Variants in CNTN3 observed in about 807,000 individuals in gnomAD.
CNTN3 encodes contactin 3.
CNTN3 carries 60 observed loss-of-function variants against 119.1 expected under a neutral mutation model. That is an observed-to-expected ratio of 0.50 (90% CI 0.41 to 0.62). The LOEUF is 0.62. CNTN3 is among the 20% of genes least tolerant of loss of function. The probability of loss-of-function intolerance (pLI) is 0.00; values close to 1 mark genes in which losing one functional copy is unlikely to be tolerated. For missense variants in CNTN3, 1,101 were observed against 1,242.4 expected (o/e 0.89, Z 1.71); for synonymous variants, 450 against 438.7 (o/e 1.03, Z -0.32).
intron 2 of CNTN3, among the ~76,000 whole-genome samples, chr3:74,507,996 G>T (rs569123725): frequency 3.9e-4 from 59 of 152,284 alleles, no homozygotes; most frequent in African/African-American, 1.4e-3. Flanking sequence ...GAGGGATTGA[G>T]TTGGGTTGTG....
At chr3:74,419,119 A>G (rs1701577524) in intron 5 of CNTN3, among the ~76,000 whole-genome samples, 1 of 152,180 alleles carries the variant, frequency 6.6e-6, no homozygotes, top group Admixed American at 6.5e-5. Context: ...TAACTTTATT[A>G]CCTGCAGAAC....
intron 20 of CNTN3, among the ~76,000 whole-genome samples, chr3:74,275,053 A>C (rs1404119274): frequency 2.0e-5 from 3 of 152,206 alleles, no homozygotes; most frequent in Non-Finnish European, 4.4e-5. Context: ...AGAAGAAAGA[A>C]ATTCAGAGCG....
chr3:74,325,319 A>T (rs484589), intron 13 of CNTN3, among the ~76,000 whole-genome samples: 47,923 of 151,948 alleles, frequency 0.32, 8,388 homozygotes, highest in East Asian at 0.72. Context: ...GCAGAAGTAA[A>T]CTTGTATTTC....
intron 20 of CNTN3, 70 bp from the exon 21 acceptor site, chr3:74,267,448 C>A (rs77735481): frequency 2.8e-6 from 3 of 1,079,282 alleles, no homozygotes; most frequent in African/African-American, 3.1e-5. Context: ...GAGGAGATGG[C>A]GGCTATCATA....
chr3:74,415,252 G>A (rs1264356600), intron 5 of CNTN3, among the ~76,000 whole-genome samples: 1 of 152,134 alleles, frequency 6.6e-6, no homozygotes, highest in Non-Finnish European at 1.5e-5. Context: ...GTGAAGCCAT[G>A]CTGCTGTGAG....
chr3:74,582,384 C>T (rs190579717), intron 1 of CNTN3, among the ~76,000 whole-genome samples: 111 of 140,418 alleles, frequency 7.9e-4, no homozygotes, highest in Non-Finnish European at 1.2e-3. Flanking sequence ...CCAGCCCGGG[C>T]GACAGAGCGA....
intron 4 of CNTN3, among the ~76,000 whole-genome samples, chr3:74,461,513 C>A (rs1393619105): frequency 1.3e-5 from 2 of 151,944 alleles, no homozygotes; most frequent in African/African-American, 4.8e-5. Context: ...GTTGGTGCTA[C>A]ATACTTTCTA....
chr3:74,285,206 A>G, intron 20 of CNTN3, 99 bp downstream of exon 20: 3 of 1,284,858 alleles, frequency 2.3e-6, no homozygotes, highest in Non-Finnish European at 2.1e-6. Context: ...ATCTAGTGAG[A>G]TTAATGACTT....
chr3:74,391,714 G>A (rs942750299), intron 5 of CNTN3, among the ~76,000 whole-genome samples: 1 of 151,936 alleles, frequency 6.6e-6, no homozygotes, highest in Non-Finnish European at 1.5e-5. Context: ...CTACATTCGT[G>A]TGCCACCATC....
chr3:74,466,163 A>ACTC (rs1702456895), intron 4 of CNTN3, among the ~76,000 whole-genome samples: 2 of 152,172 alleles, frequency 1.3e-5, no homozygotes, highest in Non-Finnish European at 2.9e-5. Context: ...TGGAGAAAAT[A>ACTC]CGTGAGTTTA....
chr3:74,446,683 G>GTTTTT (rs10669743), intron 4 of CNTN3, among the ~76,000 whole-genome samples: 2 of 136,968 alleles, frequency 1.5e-5, no homozygotes, highest in East Asian at 2.1e-4. Flanking sequence ...AATTTTACTT[G>GTTTTT]TTTTTTTTTT....
chr3:74,334,699 C>T (rs753411502), intron 13 of CNTN3, 36 bp downstream of exon 13: 3 of 1,568,744 alleles, frequency 1.9e-6, no homozygotes, highest in Admixed American at 1.7e-5. Flanking sequence ...GAGACACATG[C>T]AATATAAAAA....
intron 5 of CNTN3, among the ~76,000 whole-genome samples, chr3:74,405,526 C>T (rs1705302395): frequency 6.6e-6 from 1 of 151,958 alleles, no homozygotes; most frequent in Non-Finnish European, 1.5e-5. Flanking sequence ...TAAATTCATT[C>T]TTCTAAATAC....
At chr3:74,446,909 A>T (rs773726480) in intron 4 of CNTN3, among the ~76,000 whole-genome samples, 1 of 152,110 alleles carries the variant, frequency 6.6e-6, no homozygotes, top group Non-Finnish European at 1.5e-5. Flanking sequence ...TTTCTCCCTA[A>T]TATGTTCTGT....
chr3:74,374,549 C>G (rs146220521), intron 5 of CNTN3, among the ~76,000 whole-genome samples: 2 of 152,022 alleles, frequency 1.3e-5, no homozygotes, highest in Admixed American at 1.3e-4. Context: ...TCTTTAAATA[C>G]GCAAACTGAC....
chr3:74,448,338 A>G (rs999306402), intron 4 of CNTN3, among the ~76,000 whole-genome samples: 1 of 152,178 alleles, frequency 6.6e-6, no homozygotes, highest in Non-Finnish European at 1.5e-5. Context: ...TCATGACACT[A>G]TGTAGATAAT....
In CNTN3 at chr3:74,440,893, A is replaced by G. The variant is rs189409811; in HGVS notation, c.359-15953T>C. Among the ~76,000 whole-genome samples the G allele has an allele frequency of 2.5e-3, 379 of 152,288 alleles. 2 individuals are homozygous for G. Among genetic ancestry groups the G allele is most frequent in the African/African-American group, 8.7e-3 (360 of 41,574 alleles). Reference sequence around the variant, plus strand: ...GAAATGCTTTAAAGTATACAGGATGATGTGCCTATGTTATATGTAAATACC... The same window carrying G: ...GAAATGCTTTAAAGTATACAGGATGGTGTGCCTATGTTATATGTAAATACC... On this transcript the variant is annotated intron_variant, in intron 4 of 22. Transcript: ENST00000263665.
chr3:74,565,987 C>T (rs2106640866), intron 1 of CNTN3, among the ~76,000 whole-genome samples: 1 of 152,148 alleles, frequency 6.6e-6, no homozygotes, highest in South Asian at 2.1e-4. Context: ...AAGTGGAGTT[C>T]CCCCACACAA....
Position 74,312,391 on chromosome 3 carries a change from G to A in CNTN3, c.1669-9584C>T, listed in dbSNP as rs192057560. On this transcript the variant is annotated intron_variant, in intron 13 of 22. Transcript: ENST00000263665. Reference sequence around the variant, plus strand: ...GAATGGCATGAACCCGGGAGGCGGAGCTTGCAGTGAGCTGAGATTGCACCA... The same window carrying A: ...GAATGGCATGAACCCGGGAGGCGGAACTTGCAGTGAGCTGAGATTGCACCA... Among the ~76,000 whole-genome samples the A allele has an allele frequency of 1.0e-3, 144 of 140,770 alleles. 1 individual carries two copies. In the East Asian group the frequency reaches 0.033, roughly 33 times the overall value. 92.4% of individuals were successfully genotyped at this position (140,770 alleles called of 152,430 possible).
Sources: gnomAD v4.1 joint callset for allele counts (sites outside exome capture counted in the v4.1 genomes callset) on GRCh38, gnomAD v4.1.1 for gene constraint, MANE v1.5 for transcripts, NCBI Gene and HGNC (gene_info 2026-07-23, HGNC 2026-07-21) for gene names.